The following ZNF41 variants were observed in gnomAD, a reference collection of about 807,000 sequenced individuals.
ZNF41 encodes the protein zinc finger protein 41.
In ZNF41, 6 loss-of-function variants were observed where a neutral mutation model predicts 9.3. The observed-to-expected ratio is 0.65, with a 90% CI of 0.35 to 1.28. ZNF41 has a LOEUF of 1.28. Ranked by LOEUF, ZNF41 falls within the 50% of genes most tolerant of loss-of-function variation. ZNF41 has a pLI of 0.03. For synonymous variants in ZNF41, 192 were observed against 207.1 expected (o/e 0.93, Z 0.63); for missense variants, 523 against 585.8 (o/e 0.89, Z 1.11).
chrX:47,476,365 AAAC>A (rs950224145), intron 1 of ZNF41, among the ~76,000 whole-genome samples: 17 of 111,384 alleles, frequency 1.5e-4, no homozygotes, highest in African/African-American at 4.9e-4. Flanking sequence ...AAAAACAAAC[AAAC>A]AACAACAACA....
chrX:47,447,984 C>T lies in ZNF41; in HGVS notation c.1786G>A (p.Val596Met), dbSNP rs555581955. The T allele has an allele frequency of 3.0e-5, 36 of 1,208,217 alleles. 1 individual carries two copies. Among genetic ancestry groups the T allele is most frequent in the Middle Eastern group, 4.6e-4 (2 of 4,345 alleles). Residue 596 changes from valine to methionine, a missense_variant, in exon 5 of 5, where the codon GTG becomes ATG. Coordinates refer to ENST00000684689, the MANE Select transcript of ZNF41 (RefSeq NM_001324144.2). Reference protein sequence around the residue: ...KAFIQKSTLSVHQRIHTGEKP... With the variant: ...KAFIQKSTLSMHQRIHTGEKP... ...TCTCCTGTATGGATTCTCTGATGCACGCTTAGTGTTGATTTCTGGATGAAG... is the reference window on the plus strand; with the variant it reads ...TCTCCTGTATGGATTCTCTGATGCATGCTTAGTGTTGATTTCTGGATGAAG...
chrX:47,474,459 A>C (rs2057278432), intron 1 of ZNF41, among the ~76,000 whole-genome samples: 1 of 110,740 alleles, frequency 9.0e-6, no homozygotes, highest in Non-Finnish European at 1.9e-5. Flanking sequence ...GTGAAACTCC[A>C]TCTCAAAAAA....
At chrX:47,456,068 G>A (rs376328166) in intron 3 of ZNF41, 52 bp from the exon 4 acceptor site, 47 of 1,109,377 alleles carry the variant, frequency 4.2e-5, no homozygotes, top group Non-Finnish European at 5.2e-5. Flanking sequence ...GGTTTCAGGG[G>A]CCTTTCAGTG....
chrX:47,466,078 T>C, intron 2 of ZNF41, among the ~76,000 whole-genome samples: 1 of 111,098 alleles, frequency 9.0e-6, no homozygotes, highest in Non-Finnish European at 1.9e-5. Context: ...TGAAAGGAAA[T>C]ACAGCTAAAT....
intron 1 of ZNF41, among the ~76,000 whole-genome samples, chrX:47,471,162 C>T (rs1187536773): frequency 9.0e-6 from 1 of 111,164 alleles, no homozygotes; most frequent in South Asian, 3.8e-4. Flanking sequence ...GAAAAGCCTA[C>T]GCATGGCCGG....
At chrX:47,461,994 T>C (rs1277728352) in intron 2 of ZNF41, among the ~76,000 whole-genome samples, 1 of 108,065 alleles carries the variant, frequency 9.3e-6, no homozygotes, top group Non-Finnish European at 1.9e-5. Context: ...TCTTAAGTAG[T>C]TGGGATTACA....
At chrX:47,474,072 G>C (rs777955306) in intron 1 of ZNF41, among the ~76,000 whole-genome samples, 1 of 112,122 alleles carries the variant, frequency 8.9e-6, no homozygotes, top group Non-Finnish European at 1.9e-5. Flanking sequence ...CTATAATATG[G>C]AATACTACTC....
chrX:47,449,171 A>G lies in ZNF41; in HGVS notation c.599T>C (p.Leu200Ser). The change falls in exon 5 of 5, where the codon TTA becomes TCA. Residue 200 changes from leucine to serine, a missense_variant. Coordinates refer to ENST00000684689, the MANE Select transcript of ZNF41 (RefSeq NM_001324144.2). ...GTTTCTATTATGATTATGTGAGTTT[A>G]AAGTATGCTTCAAAATTGTGTCACA... ...HNCDTILKHT[L>S]NSHNHNRNSA... 8.3e-7 allele frequency: 1 copy of G among 1,211,462 alleles called. No homozygotes were observed. Among genetic ancestry groups the G allele is most frequent in the African/African-American group, 1.7e-5 (1 of 57,819 alleles).
intron 2 of ZNF41, among the ~76,000 whole-genome samples, chrX:47,460,185 A>G (rs2056735086): frequency 8.9e-6 from 1 of 112,060 alleles, no homozygotes; most frequent in Non-Finnish European, 1.9e-5. Context: ...AGATCTCTTG[A>G]GCCTGGAAGG....
At chrX:47,479,690 T>C (rs1251529683) in intron 1 of ZNF41, among the ~76,000 whole-genome samples, 13 of 99,613 alleles carry the variant, frequency 1.3e-4, no homozygotes, top group African/African-American at 4.0e-4. Context: ...AGGTAAAATA[T>C]CTAAGGATGA....
intron 1 of ZNF41, chrX:47,482,608 C>T (rs2057507873): frequency 9.1e-6 from 1 of 109,674 alleles, no homozygotes; most frequent in South Asian, 3.8e-4. Flanking sequence ...CGTGCGTGCG[C>T]GTGCGCGTGT....
chrX:47,465,217 T>G (rs1028253210), intron 2 of ZNF41, among the ~76,000 whole-genome samples: 1 of 112,715 alleles, frequency 8.9e-6, no homozygotes, highest in African/African-American at 3.2e-5. Context: ...AATTTTATCA[T>G]AGCAGTTTTA....
At chrX:47,474,436 C>A (rs1301002757) in intron 1 of ZNF41, among the ~76,000 whole-genome samples, 1 of 110,808 alleles carries the variant, frequency 9.0e-6, no homozygotes, top group Non-Finnish European at 1.9e-5. Context: ...CGCACTCTAG[C>A]CTGGGTGACA....
In ZNF41 at chrX:47,448,534, T is replaced by C. The variant is rs767782187; in HGVS notation, c.1236A>G (p.Glu412=). 8.3e-7 allele frequency: 1 copy of C among 1,211,821 alleles called. No individual in the cohort carries two copies. The highest frequency in any genetic ancestry group is 1.8e-5 in the South Asian group (1 of 56,968). ...TGAAAGCCTTCCCACATTCATTGCA[T>C]TCATAGTGTTTCTCTCCGGTATGAG... ...QKTHTGEKHY[E]CNECGKAFTR... is the part of the protein sequence containing the mutation. The change falls in exon 5 of 5, where the codon GAA becomes GAG. Residue 412 remains glutamate, a synonymous_variant. Transcript: ENST00000684689.
At chrX:47,471,014 G>A (rs1349050912) in intron 1 of ZNF41, among the ~76,000 whole-genome samples, 1 of 111,277 alleles carries the variant, frequency 9.0e-6, no homozygotes, top group Non-Finnish European at 1.9e-5. Context: ...CTACCTCAGG[G>A]TCATGTAAAA....
In ZNF41 at chrX:47,447,310, C is replaced by G. The variant is rs775508230; in HGVS notation, c.*120G>C. 3.0e-6 allele frequency: 3 copies of G among 1,016,057 alleles called. No homozygotes were observed. Among genetic ancestry groups the G allele is most frequent in the East Asian group, 3.0e-5 (1 of 32,885 alleles). 83.7% of individuals were successfully genotyped at this position (1,016,057 alleles called of 1,213,427 possible). Reference sequence around the variant, plus strand: ...TGGCTCTGTTTGCCTTCAGTTCACTCAAGCCTCAGTCTCTCATACCCATTT... The same window carrying G: ...TGGCTCTGTTTGCCTTCAGTTCACTGAAGCCTCAGTCTCTCATACCCATTT... On this transcript the variant is annotated 3_prime_UTR_variant, in exon 5 of 5. Transcript: ENST00000684689.
At chrX:47,479,924 G>A (rs2057429256) in intron 1 of ZNF41, among the ~76,000 whole-genome samples, 1 of 110,812 alleles carries the variant, frequency 9.0e-6, no homozygotes, top group African/African-American at 3.3e-5. Context: ...GTGAAACCTC[G>A]TCTCTACTAA....
chrX:47,452,268 C>A (rs766026893), intron 4 of ZNF41, among the ~76,000 whole-genome samples: 16 of 111,341 alleles, frequency 1.4e-4, no homozygotes, highest in Middle Eastern at 4.6e-3. Context: ...CCAGCTCCTG[C>A]AGCTCATATG....
intron 2 of ZNF41, among the ~76,000 whole-genome samples, chrX:47,461,099 CTTTT>C (rs372319051): frequency 2.0e-5 from 2 of 98,123 alleles, no homozygotes; most frequent in Non-Finnish European, 2.1e-5. Flanking sequence ...CTTTTCTTTT[CTTTT>C]TTTTTTTTTT....
Sources: gnomAD v4.1 joint callset for allele counts (sites outside exome capture counted in the v4.1 genomes callset) on GRCh38, gnomAD v4.1.1 for gene constraint, MANE v1.5 for transcripts, NCBI Gene and HGNC (gene_info 2026-07-23, HGNC 2026-07-21) for gene names.